Variants in CREB5 observed in about 807,000 individuals in gnomAD.
CREB5 encodes cyclic AMP-responsive element-binding protein 5.
Under a neutral mutation model 57.1 loss-of-function variants are expected in CREB5, and 19 were observed. The observed-to-expected ratio is 0.33, with a 90% CI of 0.23 to 0.49. The LOEUF is 0.49. Ranked by LOEUF, CREB5 falls within the 20% of genes least tolerant of loss-of-function variation. The pLI, the probability that CREB5 is intolerant of heterozygous loss-of-function variation, is 0.99. For synonymous variants in CREB5, 238 were observed against 238.3 expected (o/e 1.00, Z 0.01); for missense variants, 579 against 671.6 (o/e 0.86, Z 1.52).
rs369235937 is a variant in CREB5 at position 28,793,270 on chromosome 7, G to A, written c.703-10929G>A. ...TTCCCAAGGAGAAAAAGCAGGACTG[G>A]ACACCCACAGAGCACATTAGACAGC... On this transcript the variant is annotated intron_variant, in intron 7 of 10. Coordinates refer to ENST00000357727, the MANE Select transcript of CREB5 (RefSeq NM_182898.4). 1.7e-4 allele frequency among the ~76,000 whole-genome samples: 26 copies of A among 152,174 alleles called. No individual in the cohort carries two copies. The East Asian group carries it at 4.3e-3, about 25-fold the overall frequency.
chr7:28,390,982 G>A (rs1034784200), intron 1 of CREB5, among the ~76,000 whole-genome samples: 7 of 151,922 alleles, frequency 4.6e-5, no homozygotes, highest in Admixed American at 3.9e-4. Flanking sequence ...CTTTCCTCCT[G>A]GTATATTTAT....
At chr7:28,469,628 C>A (rs923812288) in intron 1 of CREB5, among the ~76,000 whole-genome samples, 5 of 152,140 alleles carry the variant, frequency 3.3e-5, no homozygotes, top group African/African-American at 1.2e-4. Context: ...GATTATAGAA[C>A]CATATGCTTT....
intron 1 of CREB5, among the ~76,000 whole-genome samples, chr7:28,370,939 C>A (rs1283835912): frequency 6.6e-6 from 1 of 152,228 alleles, no homozygotes; most frequent in East Asian, 1.9e-4. Context: ...ACCAAAACCT[C>A]TGAGGAAGCC....
intron 5 of CREB5, among the ~76,000 whole-genome samples, chr7:28,712,972 A>T (rs1315243148): frequency 6.6e-6 from 1 of 152,232 alleles, no homozygotes. Flanking sequence ...GACAAAAAAA[A>T]GAAAAAAGTA....
intron 5 of CREB5, among the ~76,000 whole-genome samples, chr7:28,709,299 T>C (rs1802283701): frequency 6.6e-6 from 1 of 152,038 alleles, no homozygotes; most frequent in African/African-American, 2.4e-5. Context: ...TTTCACTCTT[T>C]ATAAGGAAAA....
At chr7:28,318,590 C>A (rs764309717) in intron 1 of CREB5, among the ~76,000 whole-genome samples, 3 of 152,206 alleles carry the variant, frequency 2.0e-5, no homozygotes, top group Admixed American at 6.5e-5. Context: ...TACAATGCCT[C>A]ACTCTCAGGG....
At chr7:28,526,732 C>T (rs117405850) in intron 4 of CREB5, among the ~76,000 whole-genome samples, 1,914 of 152,314 alleles carry the variant, frequency 0.013, 25 homozygotes, top group Middle Eastern at 0.037. Flanking sequence ...GCCGAAAGGC[C>T]GACTGTGCAC....
At chr7:28,462,804 A>G (rs183579363) in intron 1 of CREB5, among the ~76,000 whole-genome samples, 1 of 152,218 alleles carries the variant, frequency 6.6e-6, no homozygotes, top group Non-Finnish European at 1.5e-5. Context: ...TTTTTAGTAC[A>G]TATTCTGGAT....
chr7:28,579,411 G>A (rs905613261), intron 5 of CREB5, among the ~76,000 whole-genome samples: 24 of 152,102 alleles, frequency 1.6e-4, no homozygotes, highest in African/African-American at 5.8e-4. Context: ...ATTCTTAATG[G>A]TACCAGACAC....
intron 1 of CREB5, among the ~76,000 whole-genome samples, chr7:28,396,195 A>G (rs1787330782): frequency 1.3e-5 from 2 of 152,118 alleles, no homozygotes; most frequent in African/African-American, 4.8e-5. Flanking sequence ...ATTCTACACT[A>G]TTTTCTTTTA....
At chr7:28,470,023 T>C (rs1205918226) in intron 1 of CREB5, among the ~76,000 whole-genome samples, 1 of 152,248 alleles carries the variant, frequency 6.6e-6, no homozygotes, top group Admixed American at 6.5e-5. Flanking sequence ...CATCACATCA[T>C]TGAAGATGGG....
rs1278256060 is a variant in CREB5, at chr7:28,499,174, A to AG, written c.169+4177dup. Among the ~76,000 whole-genome samples, 95 of 75,100 alleles carry AG rather than the reference A, an allele frequency of 1.3e-3. 1 individual carries two copies. The highest frequency in any genetic ancestry group is 5.8e-3 in the African/African-American group (90 of 15,638). The allele number at this position is 75,100 out of a possible 152,430, so 49.3% of individuals were successfully genotyped here. ...TTTATAGGGTTCCTGGGTTCTGTGC[A>AG]GGAAAAAAAAAAAAAAAAAAGACCC... On this transcript the variant is annotated intron_variant, in intron 3 of 10. Coordinates refer to ENST00000357727, the MANE Select transcript of CREB5 (RefSeq NM_182898.4).
Position 28,823,481 on chromosome 7 carries a change from C to G in CREB5, c.*4202C>G, listed in dbSNP as rs1809894942. The G allele has an allele frequency of 6.6e-6, 1 of 152,550 alleles. No individual in the cohort carries two copies. The highest frequency in any genetic ancestry group is 1.5e-5 in the Non-Finnish European group (1 of 68,024). 9.4% of individuals were successfully genotyped at this position (152,550 alleles called of 1,614,324 possible). ...TTTCAGGGTTTCAAATGGCTATTCT[C>G]CATCATTTGGTGGAAATGTTTGCTT... On this transcript the variant is annotated 3_prime_UTR_variant, in exon 11 of 11. Coordinates refer to ENST00000357727, the MANE Select transcript of CREB5 (RefSeq NM_182898.4).
At chr7:28,480,748 G>T (rs1791288924) in intron 1 of CREB5, among the ~76,000 whole-genome samples, 1 of 152,168 alleles carries the variant, frequency 6.6e-6, no homozygotes, top group African/African-American at 2.4e-5. Context: ...ATATTGTACT[G>T]CATGGTAACA....
At chr7:28,771,755 G>T (rs889973228) in intron 7 of CREB5, among the ~76,000 whole-genome samples, 1 of 130,134 alleles carries the variant, frequency 7.7e-6, no homozygotes, top group Admixed American at 9.2e-5. Context: ...CTGCCAATTT[G>T]CTGTGCCTGT....
chr7:28,516,116 A>G (rs191376843), intron 4 of CREB5, among the ~76,000 whole-genome samples: 61 of 152,176 alleles, frequency 4.0e-4, no homozygotes, highest in Non-Finnish European at 7.4e-4. Context: ...TGGGAGGCTG[A>G]GGCAGGAGGG....
intron 5 of CREB5, among the ~76,000 whole-genome samples, chr7:28,622,248 C>G (rs1405332738): frequency 7.2e-6 from 1 of 139,730 alleles, no homozygotes; most frequent in African/African-American, 2.8e-5. Flanking sequence ...CACATTCTCT[C>G]TCTCTCTCTC....
At chr7:28,675,903 G>C (rs1800299125) in intron 5 of CREB5, among the ~76,000 whole-genome samples, 1 of 152,160 alleles carries the variant, frequency 6.6e-6, no homozygotes, top group Non-Finnish European at 1.5e-5. Flanking sequence ...GAAAGGGCGA[G>C]TTACAGGCAT....
chr7:28,549,834 C>T (rs897369685), intron 4 of CREB5, among the ~76,000 whole-genome samples: 1 of 152,148 alleles, frequency 6.6e-6, no homozygotes, highest in African/African-American at 2.4e-5. Context: ...TGCTGCAAAG[C>T]GTGTCATTGC....
Sources: gnomAD v4.1 joint callset for allele counts (sites outside exome capture counted in the v4.1 genomes callset) on GRCh38, gnomAD v4.1.1 for gene constraint, MANE v1.5 for transcripts, NCBI Gene and HGNC (gene_info 2026-07-23, HGNC 2026-07-21) for gene names.